The following TGFA variants were observed in gnomAD, a reference collection of about 807,000 sequenced individuals.
TGFA encodes transforming growth factor alpha.
In TGFA, 12 loss-of-function variants were observed where a neutral mutation model predicts 21.7. That is an observed-to-expected ratio of 0.55 (90% CI 0.35 to 0.90). TGFA has a LOEUF of 0.90. Among genes scored for constraint, TGFA ranks in the 40% least tolerant of loss-of-function variants. The pLI, the probability that TGFA is intolerant of heterozygous loss-of-function variation, is 0.01. For synonymous variants in TGFA, 79 were observed against 88.1 expected (o/e 0.90, Z 0.58); for missense variants, 178 against 210.8 (o/e 0.84, Z 0.96).
intron 2 of TGFA, among the ~76,000 whole-genome samples, chr2:70,506,091 A>C (rs904329947): frequency 6.6e-6 from 1 of 152,218 alleles, no homozygotes; most frequent in Admixed American, 6.5e-5. Context: ...AACAGAGCTG[A>C]TGTTTCACCA....
intron 2 of TGFA, among the ~76,000 whole-genome samples, chr2:70,500,721 C>T (rs1671714144): frequency 6.6e-6 from 1 of 152,184 alleles, no homozygotes; most frequent in African/African-American, 2.4e-5. Context: ...CAAAGGGGCT[C>T]TCTCTCCTAG....
At chr2:70,537,364 TG>T (rs1673004395) in intron 1 of TGFA, among the ~76,000 whole-genome samples, 3 of 152,054 alleles carry the variant, frequency 2.0e-5, no homozygotes, top group African/African-American at 7.2e-5. Context: ...AAAGGAAGAG[TG>T]GCATGTCTCT....
chr2:70,514,890 C>T lies in TGFA; in HGVS notation c.63G>A (p.Gln21=), dbSNP rs10183171. 2,704 of 1,614,062 alleles carry T rather than the reference C, an allele frequency of 1.7e-3. 42 individuals carry two copies. The African/African-American group carries it at 0.031, about 18-fold the overall frequency. ...FALGIVLAAC[Q]ALENSTSPLS... is the part of the protein sequence containing the mutation. ...GCGGGGACGTGCTGTTCTCCAAGGC[C>T]TGGCACGCAGCCAACACAATACCTG... Residue 21 remains glutamine (Q), a synonymous_variant, in exon 2 of 6, where the codon CAG becomes CAA. Coordinates refer to ENST00000295400, the MANE Select transcript of TGFA (RefSeq NM_003236.4).
At chr2:70,553,470 C>T in intron 1 of TGFA, 2 of 1,406,156 alleles carry the variant, frequency 1.4e-6, no homozygotes, top group South Asian at 3.3e-5. Context: ...GTTCACACTC[C>T]GCTTCCCCTT....
chr2:70,522,742 C>G (rs910539769), intron 1 of TGFA, among the ~76,000 whole-genome samples: 1 of 152,156 alleles, frequency 6.6e-6, no homozygotes, highest in Non-Finnish European at 1.5e-5. Context: ...CAGGGGTACA[C>G]GTGCAGGATG....
chr2:70,534,976 T>C (rs190567114), intron 1 of TGFA, among the ~76,000 whole-genome samples: 1 of 152,194 alleles, frequency 6.6e-6, no homozygotes, highest in East Asian at 1.9e-4. Flanking sequence ...CAAATCCTTA[T>C]TCTGCTACTT....
At chr2:70,553,108 G>A (rs1673565866) in intron 1 of TGFA, 4 of 1,479,946 alleles carry the variant, frequency 2.7e-6, no homozygotes, top group Non-Finnish European at 3.6e-6. Context: ...TCCTGCCCTC[G>A]GCGGACACCG....
At chr2:70,502,037 G>A (rs1350487813) in intron 2 of TGFA, among the ~76,000 whole-genome samples, 1 of 152,180 alleles carries the variant, frequency 6.6e-6, no homozygotes, top group Non-Finnish European at 1.5e-5. Context: ...ACCTTCCTTT[G>A]CCTTCCTCTT....
chr2:70,553,671 G>T, intron 1 of TGFA, 57 bp downstream of exon 1: 1 of 1,337,474 alleles, frequency 7.5e-7, no homozygotes, highest in East Asian at 3.0e-5. Flanking sequence ...ACTCGGCGGG[G>T]ACCGGGGGAA....
At chr2:70,515,024 G>A in intron 1 of TGFA, 112 bp from the exon 2 acceptor site, 1 of 903,708 alleles carries the variant, frequency 1.1e-6, no homozygotes, top group Non-Finnish European at 1.7e-6. Context: ...GTTTCACAGA[G>A]TGGCCGGTAG....
chr2:70,552,130 CA>C lies in TGFA; in HGVS notation c.40+1597del, dbSNP rs1205938742. Among the ~76,000 whole-genome samples the C allele has an allele frequency of 2.6e-5, 4 of 152,180 alleles. 1 individual carries two copies. In the East Asian group the frequency reaches 7.7e-4, roughly 29 times the overall value. On this transcript the variant is annotated intron_variant, in intron 1 of 5. Transcript: ENST00000295400. ...AATGACCACAAGTTAGGTGACTTTT[CA>C]TATTCACATTCCTTCCACGTTCTTC...
Position 70,450,735 on chromosome 2 carries a change from G to T in TGFA, c.*124C>A, listed in dbSNP as rs1670028263. The stretch of plus-strand genomic sequence containing the variant: ...TGAAGGCCCACAAAAGGCTGCACAG[G>T]TGATTACAGGCCAAGTAGGAAGGTC... On this transcript the variant is annotated 3_prime_UTR_variant, in exon 6 of 6. Coordinates refer to ENST00000295400, the MANE Select transcript of TGFA (RefSeq NM_003236.4). 2 of 1,103,814 alleles carry T rather than the reference G, an allele frequency of 1.8e-6. No individual in the cohort carries two copies. Among genetic ancestry groups the T allele is most frequent in the African/African-American group, 3.1e-5 (2 of 64,758 alleles). 68.4% of individuals were successfully genotyped at this position (1,103,814 alleles called of 1,614,324 possible).
chr2:70,473,098 C>T (rs1574081731), intron 2 of TGFA, among the ~76,000 whole-genome samples: 2 of 152,164 alleles, frequency 1.3e-5, no homozygotes, highest in Admixed American at 1.3e-4. Flanking sequence ...GGCCTCCATT[C>T]CACCCTGAGG....
chr2:70,454,176 G>A (rs1331386982), intron 4 of TGFA, among the ~76,000 whole-genome samples: 1 of 152,194 alleles, frequency 6.6e-6, no homozygotes, highest in Non-Finnish European at 1.5e-5. Flanking sequence ...TTGGAGTTAG[G>A]AGAAATTTCC....
At chr2:70,549,906 G>A (rs1398011275) in intron 1 of TGFA, among the ~76,000 whole-genome samples, 4 of 152,114 alleles carry the variant, frequency 2.6e-5, no homozygotes, top group Admixed American at 2.0e-4. Flanking sequence ...CAGCCTCTAA[G>A]GCTTCCATAT....
rs548607218 is a variant in TGFA, at chr2:70,528,436, C to T, written c.41-13524G>A. On this transcript the variant is annotated intron_variant, in intron 1 of 5. Transcript: ENST00000295400. ...GGGAGCATGTCAGACGAGAGGAGGC[C>T]GAGAAAAACAATGATCCCTGTGGAA... Among the ~76,000 whole-genome samples, 357 of 142,042 alleles carry T rather than the reference C, an allele frequency of 2.5e-3. 2 individuals carry two copies. Among genetic ancestry groups the T allele is most frequent in the Middle Eastern group, 4.1e-3 (1 of 246 alleles). 93.2% of individuals were successfully genotyped at this position (142,042 alleles called of 152,430 possible).
intron 1 of TGFA, among the ~76,000 whole-genome samples, chr2:70,522,626 G>A (rs1197035749): frequency 6.6e-6 from 1 of 152,076 alleles, no homozygotes; most frequent in Non-Finnish European, 1.5e-5. Context: ...GTACAGACGA[G>A]GTTTCACCAT....
chr2:70,483,043 C>T (rs181666996), intron 2 of TGFA, among the ~76,000 whole-genome samples: 3 of 152,310 alleles, frequency 2.0e-5, no homozygotes, highest in Admixed American at 2.0e-4. Context: ...TTCCTTCTCA[C>T]CAACTAGCCA....
chr2:70,540,314 G>A (rs946303127), intron 1 of TGFA, among the ~76,000 whole-genome samples: 14 of 152,252 alleles, frequency 9.2e-5, no homozygotes, highest in African/African-American at 3.1e-4. Flanking sequence ...CAACTCATAA[G>A]AGTGGTTCAT....
Sources: gnomAD v4.1 joint callset for allele counts (sites outside exome capture counted in the v4.1 genomes callset) on GRCh38, gnomAD v4.1.1 for gene constraint, MANE v1.5 for transcripts, NCBI Gene and HGNC (gene_info 2026-07-23, HGNC 2026-07-21) for gene names.